CERS3: variants seen among roughly 807,000 people sequenced by gnomAD.
CERS3 encodes ceramide synthase 3.
A neutral mutation model predicts 50.3 loss-of-function variants in CERS3; 33 were observed. That is an observed-to-expected ratio of 0.66 (90% CI 0.50 to 0.88). The LOEUF (loss-of-function observed/expected upper bound fraction) is 0.88, where lower values mean the gene tolerates loss of function less well. Among genes scored for constraint, CERS3 ranks in the 40% least tolerant of loss-of-function variants. The probability of loss-of-function intolerance (pLI) is 0.00; values close to 1 mark genes in which losing one functional copy is unlikely to be tolerated. For missense variants in CERS3, 470 were observed against 460.3 expected (o/e 1.02, Z -0.19); for synonymous variants, 176 against 155.2 (o/e 1.13, Z -0.99).
chr15:100,531,845 G>A (rs1320452956), upstream of CERS3, among the ~76,000 whole-genome samples: 3 of 152,174 alleles, frequency 2.0e-5, no homozygotes, highest in East Asian at 5.8e-4. Context: ...GCATGTTAAT[G>A]ATTCATTGCA....
rs1462779201 is a variant in CERS3 at position 100,457,187 on chromosome 15, A to T, written c.846-1141T>A. Among the ~76,000 whole-genome samples the T allele has an allele frequency of 3.9e-5, 6 of 152,100 alleles. No individual in the cohort carries two copies. The South Asian group carries it at 1.0e-3, about 26-fold the overall frequency. On this transcript the variant is annotated intron_variant, in intron 10 of 11. Coordinates refer to ENST00000679737, the MANE Select transcript of CERS3 (RefSeq NM_001378789.1). ...CCAGTATTTTCCTATACAATTTTTT[A>T]ATTTTTTTATTAACATGCAGTAAAA...
chr15:100,445,908 A>C (rs1162706423), intron 11 of CERS3, among the ~76,000 whole-genome samples: 1 of 152,238 alleles, frequency 6.6e-6, no homozygotes, highest in Non-Finnish European at 1.5e-5. Flanking sequence ...CCACAAAAGA[A>C]GTGAAAATGG....
chr15:100,499,895 C>T (rs1484040133), intron 3 of CERS3, among the ~76,000 whole-genome samples: 3 of 152,138 alleles, frequency 2.0e-5, no homozygotes, highest in African/African-American at 4.8e-5. Flanking sequence ...CTCATGGGTT[C>T]GAGTCCCAGA....
At chr15:100,466,408 C>T (rs2587808) in intron 10 of CERS3, among the ~76,000 whole-genome samples, 148,215 of 152,278 alleles carry the variant, frequency 0.97, 72,263 homozygotes, top group Middle Eastern at 1. Flanking sequence ...TAAAAACATC[C>T]GCAAATTCTT....
At chr15:100,432,067 T>G (rs2033164184) in intron 11 of CERS3, among the ~76,000 whole-genome samples, 2 of 43,920 alleles carry the variant, frequency 4.6e-5, no homozygotes, top group Admixed American at 3.4e-4. Flanking sequence ...ATAGGCCCTC[T>G]TTTGTTTTTT....
At chr15:100,479,685 A>T (rs1269211297) in intron 6 of CERS3, among the ~76,000 whole-genome samples, 2 of 152,144 alleles carry the variant, frequency 1.3e-5, no homozygotes, top group Non-Finnish European at 2.9e-5. Context: ...CCTATATAAC[A>T]TCTCTGTGAA....
intron 1 of CERS3, among the ~76,000 whole-genome samples, chr15:100,535,646 C>T (rs866792957): frequency 1.4e-4 from 21 of 150,338 alleles, no homozygotes; most frequent in African/African-American, 3.2e-4. Context: ...CATATGTGCA[C>T]GGGAAGTGGG....
chr15:100,446,816 A>G (rs1567623019), intron 11 of CERS3, among the ~76,000 whole-genome samples: 2 of 152,174 alleles, frequency 1.3e-5, no homozygotes, highest in African/African-American at 2.4e-5. Flanking sequence ...AGTTGAGGCC[A>G]TGATGGGAAG....
At chr15:100,465,817 C>G (rs911281133) in intron 10 of CERS3, among the ~76,000 whole-genome samples, 1 of 152,140 alleles carries the variant, frequency 6.6e-6, no homozygotes, top group Admixed American at 6.6e-5. Context: ...CGCCATCACA[C>G]CCGGCTAATT....
chr15:100,457,754 C>T (rs564816476), intron 10 of CERS3, among the ~76,000 whole-genome samples: 1 of 152,270 alleles, frequency 6.6e-6, no homozygotes. Context: ...AACTATTTTC[C>T]AGAGTGGTAG....
At chr15:100,507,704 G>A (rs1009876664) in intron 2 of CERS3, among the ~76,000 whole-genome samples, 5 of 152,266 alleles carry the variant, frequency 3.3e-5, no homozygotes, top group African/African-American at 1.2e-4. Context: ...GAATGCCAAA[G>A]GGGGCCATTC....
intron 11 of CERS3, among the ~76,000 whole-genome samples, chr15:100,420,344 A>G (rs2032330437): frequency 6.6e-6 from 1 of 152,140 alleles, no homozygotes; most frequent in Non-Finnish European, 1.5e-5. Flanking sequence ...AAATGGATAA[A>G]TTCCTGGACA....
intron 11 of CERS3, among the ~76,000 whole-genome samples, chr15:100,453,525 C>T (rs2034250618): frequency 6.6e-6 from 1 of 152,154 alleles, no homozygotes; most frequent in African/African-American, 2.4e-5. Flanking sequence ...GCATATATGA[C>T]AGATTCATAG....
At chr15:100,460,520 T>C (rs2034514088) in intron 10 of CERS3, among the ~76,000 whole-genome samples, 1 of 152,228 alleles carries the variant, frequency 6.6e-6, no homozygotes, top group African/African-American at 2.4e-5. Context: ...CTGTACTCTT[T>C]CTGCCTAGAA....
In CERS3 at chr15:100,473,035, G is replaced by T; in HGVS notation, c.627C>A (p.Ile209=). ...DVKRKDFLAH[I]IHHLAAISLM... Reference sequence around the variant, plus strand: ...GACTAATAGCAGCCAGGTGGTGGATGATATGAGCTAGAAAATCCTGTAAGA... The same window carrying T: ...GACTAATAGCAGCCAGGTGGTGGATTATATGAGCTAGAAAATCCTGTAAGA... Residue 209 remains isoleucine (I), a synonymous_variant, in exon 9 of 12, where the codon ATC becomes ATA. Coordinates refer to ENST00000679737, the MANE Select transcript of CERS3 (RefSeq NM_001378789.1). 6.2e-7 allele frequency: 1 copy of T among 1,613,384 alleles called. No individual in the cohort carries two copies. The highest frequency in any genetic ancestry group is 8.5e-7 in the Non-Finnish European group (1 of 1,179,758).
chr15:100,465,546 G>A (rs1226814756), intron 10 of CERS3, among the ~76,000 whole-genome samples: 1 of 152,120 alleles, frequency 6.6e-6, no homozygotes, highest in Admixed American at 6.5e-5. Context: ...AAATTGATCT[G>A]CCAAACTTCC....
intron 2 of CERS3, among the ~76,000 whole-genome samples, chr15:100,505,035 C>G (rs2587782): frequency 0.81 from 123,449 of 152,132 alleles, 51,007 homozygotes; most frequent in East Asian, 0.93. Flanking sequence ...AAAGCTTGTG[C>G]CAGGTCTGTG....
intron 11 of CERS3, among the ~76,000 whole-genome samples, chr15:100,454,506 G>A (rs539903086): frequency 6.6e-6 from 1 of 151,776 alleles, no homozygotes; most frequent in Non-Finnish European, 1.5e-5. Context: ...TCCACATGCA[G>A]AAGATTGAAA....
At chr15:100,531,761 G>A (rs146104968), upstream of CERS3, among the ~76,000 whole-genome samples, 136 of 152,248 alleles carry the variant, frequency 8.9e-4, 1 homozygote, top group African/African-American at 3.1e-3. Context: ...ATGAGAAAAC[G>A]GAAGCAGTGA....
Sources: gnomAD v4.1 joint callset for allele counts (sites outside exome capture counted in the v4.1 genomes callset) on GRCh38, gnomAD v4.1.1 for gene constraint, MANE v1.5 for transcripts, NCBI Gene and HGNC (gene_info 2026-07-23, HGNC 2026-07-21) for gene names.